MYLIP: variants seen among roughly 807,000 people sequenced by gnomAD.
MYLIP encodes myosin regulatory light chain interacting protein, also known as E3 ubiquitin-protein ligase MYLIP.
In MYLIP, 26 loss-of-function variants were observed where a neutral mutation model predicts 45.8. That is an observed-to-expected ratio of 0.57 (90% CI 0.42 to 0.79). The LOEUF is 0.79. Among genes scored for constraint, MYLIP ranks in the 30% least tolerant of loss-of-function variants. The pLI, the probability that MYLIP is intolerant of heterozygous loss-of-function variation, is 0.00. For missense variants in MYLIP, 494 were observed against 555.6 expected (o/e 0.89, Z 1.11); for synonymous variants, 213 against 218.1 (o/e 0.98, Z 0.21).
downstream of MYLIP, among the ~76,000 whole-genome samples, chr6:16,149,052 T>C (rs1409677355): frequency 6.6e-6 from 1 of 152,228 alleles, no homozygotes; most frequent in African/African-American, 2.4e-5. Context: ...TACTAAGTTA[T>C]TGAGCCCTGG....
At chr6:16,134,868 T>C (rs185942617) in intron 2 of MYLIP, among the ~76,000 whole-genome samples, 28 of 152,322 alleles carry the variant, frequency 1.8e-4, no homozygotes, top group Admixed American at 1.2e-3. Flanking sequence ...GGAACGCCTG[T>C]CTGGGTATCT....
intron 2 of MYLIP, among the ~76,000 whole-genome samples, chr6:16,131,735 A>G (rs1759464140): frequency 6.6e-6 from 1 of 152,214 alleles, no homozygotes; most frequent in South Asian, 2.1e-4. Flanking sequence ...AGAGTTTTTT[A>G]CATGACATTT....
chr6:16,150,856 A>G (rs1179085668), downstream of MYLIP, among the ~76,000 whole-genome samples: 1 of 152,166 alleles, frequency 6.6e-6, no homozygotes, highest in Admixed American at 6.5e-5. Context: ...TGTTTATTGT[A>G]TATTTATCTT....
At chr6:16,151,362 A>C (rs1759878637), downstream of MYLIP, among the ~76,000 whole-genome samples, 1 of 151,640 alleles carries the variant, frequency 6.6e-6, no homozygotes, top group African/African-American at 2.4e-5. Context: ...ATCTCAAAAA[A>C]AAAAAGAAAA....
chr6:16,132,475 C>G (rs556533262), intron 2 of MYLIP, among the ~76,000 whole-genome samples: 46 of 152,240 alleles, frequency 3.0e-4, no homozygotes, highest in Non-Finnish European at 5.9e-4. Context: ...CCTAGTTCAA[C>G]TAGGTAATTT....
chr6:16,139,387 C>CAA (rs111591442), intron 2 of MYLIP, among the ~76,000 whole-genome samples: 38 of 72,906 alleles, frequency 5.2e-4, no homozygotes, highest in Admixed American at 2.5e-3. Flanking sequence ...GACTCCATCT[C>CAA]AAAAAAAAAA....
At chr6:16,144,549 A>G (rs780616433) in intron 5 of MYLIP, among the ~76,000 whole-genome samples, 1 of 152,162 alleles carries the variant, frequency 6.6e-6, no homozygotes, top group Non-Finnish European at 1.5e-5. Context: ...GTGAAACAGG[A>G]TGGGAAATTT....
At chr6:16,130,789 G>T in intron 2 of MYLIP, 42 bp downstream of exon 2, 1 of 1,585,762 alleles carries the variant, frequency 6.3e-7, no homozygotes, top group Non-Finnish European at 8.6e-7. Flanking sequence ...TTGACCTTTG[G>T]TTCCCTTTAG....
At position 16,144,876 on chromosome 6, in the gene MYLIP, A is replaced by G. The variant is rs773958877; in HGVS notation, c.828-21A>G. The G allele has an allele frequency of 1.9e-6, 3 of 1,595,572 alleles. No homozygotes were observed. In the African/African-American group the frequency reaches 4.0e-5, roughly 21 times the overall value. On this transcript the variant is annotated intron_variant, in intron 5 of 6. Transcript: ENST00000356840. Reference sequence around the variant, plus strand: ...GCCAGGCTCTTTGGTGTTAAAGTAGATGTTCAATCTTGCCTTGCAGGTGTG... The same window carrying G: ...GCCAGGCTCTTTGGTGTTAAAGTAGGTGTTCAATCTTGCCTTGCAGGTGTG...
At chr6:16,148,587 A>T (rs1759841795), downstream of MYLIP, among the ~76,000 whole-genome samples, 1 of 152,158 alleles carries the variant, frequency 6.6e-6, no homozygotes, top group South Asian at 2.1e-4. Context: ...ACATAAGCAG[A>T]TGAAAAGAAA....
the MYLIP span, chr6:16,161,287 G>T: frequency 2.7e-6 from 1 of 371,664 alleles, no homozygotes; most frequent in Non-Finnish European, 5.4e-6. Flanking sequence ...TGCCAAGCCT[G>T]CTGTCACATC....
intron 2 of MYLIP, among the ~76,000 whole-genome samples, chr6:16,140,627 A>G (rs1311025683): frequency 6.6e-6 from 1 of 152,120 alleles, no homozygotes; most frequent in Admixed American, 6.5e-5. Context: ...GGACAGAGGG[A>G]GCAGCAAGAC....
At chr6:16,148,687 T>A (rs1344505428), downstream of MYLIP, among the ~76,000 whole-genome samples, 2 of 152,040 alleles carry the variant, frequency 1.3e-5, no homozygotes, top group South Asian at 4.1e-4. Flanking sequence ...GTGCTGCTGG[T>A]GTGTGGCCTG....
intron 2 of MYLIP, among the ~76,000 whole-genome samples, chr6:16,132,981 A>G (rs1278359480): frequency 2.6e-5 from 4 of 152,330 alleles, no homozygotes; most frequent in Non-Finnish European, 5.9e-5. Context: ...TTATTAAATG[A>G]TGCTGAAATA....
At chr6:16,150,249 C>A (rs908762249), downstream of MYLIP, among the ~76,000 whole-genome samples, 2 of 152,138 alleles carry the variant, frequency 1.3e-5, no homozygotes, top group Non-Finnish European at 2.9e-5. Context: ...TGCAAAGAGG[C>A]GGTCAGCTGT....
At position 16,144,954 on chromosome 6, in the gene MYLIP, C is replaced by G; in HGVS notation, c.885C>G (p.His295Gln). ...MMQYSRDLKG[H>Q]LASLFLNENI... ...AGTATAGCCGTGACTTGAAGGGCCA[C>G]TTGGCATCTCTGTTTCTGAATGAAA... The change falls in exon 6 of 7, where the codon CAC becomes CAG. Residue 295 changes from histidine to glutamine, a missense_variant. Physicochemically the swap from His to Gln is conservative, Grantham distance 24. Transcript: ENST00000356840. 1 of 1,614,216 alleles carries G rather than the reference C, an allele frequency of 6.2e-7. No individual in the cohort carries two copies. Among genetic ancestry groups the G allele is most frequent in the Non-Finnish European group, 8.5e-7 (1 of 1,180,046 alleles).
At chr6:16,148,656 T>TAA (rs1219017610), downstream of MYLIP, among the ~76,000 whole-genome samples, 2 of 152,036 alleles carry the variant, frequency 1.3e-5, no homozygotes, top group Non-Finnish European at 2.9e-5. Context: ...AGCTGGAAGT[T>TAA]AACAATTAAC....
the MYLIP span, chr6:16,163,679 C>A: frequency 2.0e-5 from 3 of 152,208 alleles, no homozygotes; most frequent in Non-Finnish European, 4.4e-5. Flanking sequence ...GAAGCCTCAT[C>A]TTCCTTTGAC....
the MYLIP span, among the ~76,000 whole-genome samples, chr6:16,162,954 C>A: frequency 6.6e-6 from 1 of 152,024 alleles, no homozygotes; most frequent in Non-Finnish European, 1.5e-5. Context: ...ACGCCCTCTG[C>A]TTTTCCGGCT....
Sources: allele counts gnomAD v4.1 joint callset (sites outside exome capture counted in the v4.1 genomes callset), GRCh38; gene constraint gnomAD v4.1.1; transcripts MANE v1.5; gene names NCBI Gene and HGNC (gene_info 2026-07-23, HGNC 2026-07-21).